The following RIMS2 variants were observed in gnomAD, a reference collection of about 807,000 sequenced individuals.
RIMS2 encodes regulating synaptic membrane exocytosis 2, also known as regulating synaptic membrane exocytosis protein 2.
Under a neutral mutation model 174.4 loss-of-function variants are expected in RIMS2, and 59 were observed. The observed-to-expected ratio is 0.34, with a 90% CI of 0.27 to 0.42. The LOEUF (loss-of-function observed/expected upper bound fraction) is 0.42, where lower values mean the gene tolerates loss of function less well. Ranked by LOEUF, RIMS2 falls within the 10% of genes least tolerant of loss-of-function variation. The pLI is 1.00. For synonymous variants in RIMS2, 606 were observed against 572.5 expected, an observed-to-expected ratio of 1.06 and a Z score of -0.84; for missense variants, 1,620 against 1,666.3, an observed-to-expected ratio of 0.97 and a Z score of 0.48.
At chr8:104,032,914 C>G (rs111535507) in intron 19 of RIMS2, among the ~76,000 whole-genome samples, 4 of 151,944 alleles carry the variant, frequency 2.6e-5, no homozygotes, top group Admixed American at 1.3e-4. Context: ...AGCAGTTACC[C>G]TCACACAGCA....
chr8:103,869,193 C>CTT (rs758281100), intron 3 of RIMS2, among the ~76,000 whole-genome samples: 11 of 131,206 alleles, frequency 8.4e-5, no homozygotes, highest in African/African-American at 1.4e-4. Context: ...ACCAGGAACA[C>CTT]TTTTTTTTTT....
intron 1 of RIMS2, among the ~76,000 whole-genome samples, chr8:103,613,839 G>T (rs921942137): frequency 6.6e-6 from 1 of 152,210 alleles, no homozygotes; most frequent in Admixed American, 6.5e-5. Flanking sequence ...TTGCCTGGGA[G>T]CTAGGGTCAG....
At chr8:103,814,661 G>A (rs983221461) in intron 3 of RIMS2, among the ~76,000 whole-genome samples, 18 of 152,132 alleles carry the variant, frequency 1.2e-4, no homozygotes, top group African/African-American at 3.1e-4. Flanking sequence ...GATTGATTGA[G>A]GCCAGGAGTT....
Position 103,943,114 on chromosome 8 carries a change from G to T in RIMS2, c.2701+188G>T, listed in dbSNP as rs1465294801. ...TTGTTTGAAACACTAAAATAAGGTTGTACCCATAGCATTCACCTATCACAA... is the reference window on the plus strand; with the variant it reads ...TTGTTTGAAACACTAAAATAAGGTTTTACCCATAGCATTCACCTATCACAA... On this transcript the variant is annotated intron_variant, in intron 14 of 23. Transcript: ENST00000504942. Among the ~76,000 whole-genome samples the T allele has an allele frequency of 2.6e-5, 4 of 152,204 alleles. No homozygotes were observed. The South Asian group carries it at 6.2e-4, about 24-fold the overall frequency.
At chr8:104,119,938 A>G (rs2098344708) in intron 19 of RIMS2, among the ~76,000 whole-genome samples, 1 of 152,234 alleles carries the variant, frequency 6.6e-6, no homozygotes, top group South Asian at 2.1e-4. Context: ...ACAGTAAGCT[A>G]CTGTATTTTT....
intron 19 of RIMS2, among the ~76,000 whole-genome samples, chr8:104,160,111 C>G (rs1248167494): frequency 6.6e-6 from 1 of 150,584 alleles, no homozygotes; most frequent in Admixed American, 6.6e-5. Context: ...TGCACTCCAG[C>G]TTGGGTGACA....
intron 2 of RIMS2, among the ~76,000 whole-genome samples, chr8:103,731,191 T>TG (rs2097588769): frequency 6.6e-6 from 1 of 152,130 alleles, no homozygotes; most frequent in African/African-American, 2.4e-5. Context: ...GAGATTTGGG[T>TG]GGGGACACAG....
chr8:104,151,665 G>A (rs1006202696), intron 19 of RIMS2, among the ~76,000 whole-genome samples: 1 of 152,100 alleles, frequency 6.6e-6, no homozygotes, highest in African/African-American at 2.4e-5. Context: ...TGATATATGT[G>A]AAAATTTCCA....
chr8:103,602,956 C>T (rs2094832106), intron 1 of RIMS2, among the ~76,000 whole-genome samples: 2 of 151,840 alleles, frequency 1.3e-5, no homozygotes, highest in African/African-American at 4.8e-5. Flanking sequence ...TTCTTAGCAG[C>T]CTTGCTAGCA....
chr8:103,825,816 C>T (rs1334841948), intron 3 of RIMS2, among the ~76,000 whole-genome samples: 2 of 152,014 alleles, frequency 1.3e-5, no homozygotes, highest in Non-Finnish European at 2.9e-5. Flanking sequence ...TTTTTAAAAG[C>T]ACATTTAAAT....
At chr8:103,879,394 G>GAATAAA (rs993314179) in intron 3 of RIMS2, among the ~76,000 whole-genome samples, 1 of 151,488 alleles carries the variant, frequency 6.6e-6, no homozygotes, top group Non-Finnish European at 1.5e-5. Context: ...CTTGACTTAA[G>GAATAAA]AATAAAAATA....
intron 1 of RIMS2, among the ~76,000 whole-genome samples, chr8:103,653,460 G>A (rs1443481595): frequency 6.6e-6 from 1 of 152,160 alleles, no homozygotes; most frequent in Non-Finnish European, 1.5e-5. Flanking sequence ...TCTCCTGACA[G>A]TTGTCATAAT....
chr8:103,800,925 G>T (rs2154451790), intron 3 of RIMS2, among the ~76,000 whole-genome samples: 1 of 152,112 alleles, frequency 6.6e-6, no homozygotes, highest in South Asian at 2.1e-4. Flanking sequence ...GATAGAATTT[G>T]CCTCTACTGC....
At chr8:104,224,880 T>G (rs2099175917) in intron 19 of RIMS2, among the ~76,000 whole-genome samples, 1 of 152,236 alleles carries the variant, frequency 6.6e-6, no homozygotes, top group African/African-American at 2.4e-5. Flanking sequence ...CTATCCAAGT[T>G]TCTTCTAGGT....
chr8:103,623,235 C>A (rs537716048), intron 1 of RIMS2, among the ~76,000 whole-genome samples: 5 of 152,106 alleles, frequency 3.3e-5, no homozygotes, highest in Non-Finnish European at 7.4e-5. Flanking sequence ...GTTATTTAAC[C>A]ATTTTATTAC....
intron 19 of RIMS2, among the ~76,000 whole-genome samples, chr8:104,151,635 T>C (rs1157815678): frequency 6.6e-6 from 1 of 152,062 alleles, no homozygotes; most frequent in African/African-American, 2.4e-5. Flanking sequence ...GAGTCTTTGA[T>C]TTATGAAATT....
intron 1 of RIMS2, among the ~76,000 whole-genome samples, chr8:103,600,891 T>G (rs1213706647): frequency 6.6e-6 from 1 of 152,222 alleles, no homozygotes; most frequent in Non-Finnish European, 1.5e-5. Flanking sequence ...ATAAGCCATT[T>G]TAACTGTGGT....
intron 17 of RIMS2, among the ~76,000 whole-genome samples, chr8:103,994,560 A>G (rs1166777142): frequency 6.6e-6 from 1 of 152,118 alleles, no homozygotes; most frequent in African/African-American, 2.4e-5. Context: ...TTAATTTTGG[A>G]AGAAAAGTAA....
intron 19 of RIMS2, among the ~76,000 whole-genome samples, chr8:104,197,177 C>CT (rs34674014): frequency 0.31 from 42,750 of 138,442 alleles, 6,789 homozygotes; most frequent in African/African-American, 0.34. Flanking sequence ...TAAACATAAG[C>CT]TTTTTTTTTT....
Sources: allele counts gnomAD v4.1 joint callset (sites outside exome capture counted in the v4.1 genomes callset), GRCh38; gene constraint gnomAD v4.1.1; transcripts MANE v1.5; gene names NCBI Gene and HGNC (gene_info 2026-07-23, HGNC 2026-07-21).